Variants in ARHGAP28 observed in about 807,000 individuals in gnomAD.
The protein encoded by ARHGAP28 is Rho GTPase activating protein 28, also known as rho GTPase-activating protein 28.
Under a neutral mutation model 90.7 loss-of-function variants are expected in ARHGAP28, and 56 were observed. The ratio of observed to expected loss-of-function variants is 0.62; its 90% CI spans 0.50 to 0.77. The LOEUF (loss-of-function observed/expected upper bound fraction) is 0.77. ARHGAP28 is among the 30% of genes least tolerant of loss of function. ARHGAP28 has a pLI of 0.00. For synonymous variants in ARHGAP28, 308 were observed against 323.3 expected, an observed-to-expected ratio of 0.95 and a Z score of 0.51; for missense variants, 869 against 900.9, an observed-to-expected ratio of 0.96 and a Z score of 0.45.
intron 1 of ARHGAP28, among the ~76,000 whole-genome samples, chr18:6,781,017 G>A (rs6506440): frequency 0.19 from 29,552 of 152,108 alleles, 5,312 homozygotes; most frequent in African/African-American, 0.47. Context: ...CACTTCTGAC[G>A]GACAGCAGAA....
At chr18:6,858,150 T>C (rs1384725979) in intron 4 of ARHGAP28, among the ~76,000 whole-genome samples, 1 of 145,850 alleles carries the variant, frequency 6.9e-6, no homozygotes, top group African/African-American at 2.8e-5. Context: ...TTTAGATCGC[T>C]TTTTTTTTGG....
chr18:6,818,515 C>G (rs549476473), intron 1 of ARHGAP28, among the ~76,000 whole-genome samples: 13 of 151,922 alleles, frequency 8.6e-5, no homozygotes, highest in Non-Finnish European at 1.5e-4. Flanking sequence ...GAAAATAGAC[C>G]CCCCCAAAAC....
chr18:6,842,717 C>A (rs2056836928), intron 3 of ARHGAP28, among the ~76,000 whole-genome samples: 1 of 152,042 alleles, frequency 6.6e-6, no homozygotes, highest in Non-Finnish European at 1.5e-5. Context: ...GTCCTCTTTT[C>A]TCCCAGAACT....
intron 1 of ARHGAP28, among the ~76,000 whole-genome samples, chr18:6,784,143 C>G (rs1006283313): frequency 1.3e-5 from 2 of 152,096 alleles, no homozygotes; most frequent in African/African-American, 2.4e-5. Context: ...GGAGCCCAGT[C>G]AAATCCATGC....
chr18:6,888,842 A>T (rs192594481), intron 12 of ARHGAP28, among the ~76,000 whole-genome samples: 16 of 152,126 alleles, frequency 1.1e-4, no homozygotes, highest in African/African-American at 3.9e-4. Context: ...TTTTATTCTA[A>T]ATTGTGACTG....
chr18:6,827,322 C>T (rs1352546300), intron 2 of ARHGAP28, among the ~76,000 whole-genome samples: 1 of 146,906 alleles, frequency 6.8e-6, no homozygotes, highest in East Asian at 2.1e-4. Context: ...GGGGGCTGAA[C>T]CCTCCACCTC....
chr18:6,841,957 T>C (rs1404023799), intron 3 of ARHGAP28, among the ~76,000 whole-genome samples: 3 of 152,240 alleles, frequency 2.0e-5, no homozygotes, highest in Non-Finnish European at 4.4e-5. Context: ...GTTAGATGAT[T>C]GTTGCACTGT....
chr18:6,908,926 T>A, intron 16 of ARHGAP28, 34 bp from the exon 17 acceptor site: 1 of 1,310,890 alleles, frequency 7.6e-7, no homozygotes, highest in Non-Finnish European at 1.1e-6. Context: ...CAGGAAAAAG[T>A]ACTAAAATTA....
intron 1 of ARHGAP28, among the ~76,000 whole-genome samples, chr18:6,787,685 A>G (rs2056376335): frequency 1.3e-5 from 2 of 152,218 alleles, no homozygotes; most frequent in South Asian, 2.1e-4. Flanking sequence ...TTGGCTTTCC[A>G]TAGGTGTCCC....
intron 15 of ARHGAP28, among the ~76,000 whole-genome samples, chr18:6,895,096 C>G (rs2057295058): frequency 6.6e-6 from 1 of 152,076 alleles, no homozygotes; most frequent in Non-Finnish European, 1.5e-5. Flanking sequence ...AGCTACAATG[C>G]TGTGGAAAGT....
At chr18:6,795,522 T>A (rs2056435764) in intron 1 of ARHGAP28, among the ~76,000 whole-genome samples, 1 of 152,164 alleles carries the variant, frequency 6.6e-6, no homozygotes, top group African/African-American at 2.4e-5. Flanking sequence ...ATGTAACTAT[T>A]TTCTATTTTG....
intron 3 of ARHGAP28, among the ~76,000 whole-genome samples, chr18:6,841,222 T>TCCCCC (rs1297178106): frequency 1.0e-5 from 1 of 100,106 alleles, no homozygotes; most frequent in Non-Finnish European, 2.0e-5. Context: ...TCTCTCTCTC[T>TCCCCC]CCCCCCAACC....
chr18:6,881,925 A>G (rs550668703), intron 10 of ARHGAP28, among the ~76,000 whole-genome samples: 1 of 152,312 alleles, frequency 6.6e-6, no homozygotes, highest in South Asian at 2.1e-4. Context: ...CAAGATCAAC[A>G]TTATTTTTTA....
At chr18:6,850,781 T>C (rs2056903579) in intron 3 of ARHGAP28, 1 of 1,508,814 alleles carries the variant, frequency 6.6e-7, no homozygotes, top group African/African-American at 1.4e-5. Flanking sequence ...GAAAAGAAAG[T>C]GGGTTTTGGC....
At position 6,873,554 on chromosome 18, in the gene ARHGAP28, C is replaced by G. The variant is rs1567977938; in HGVS notation, c.1100C>G (p.Thr367Arg). ...GGAATTCAACTGAAAAGGAACAAAACAGAGAAAGTAAAAGGACGAGGTAAC... is the reference window on the plus strand; with the variant it reads ...GGAATTCAACTGAAAAGGAACAAAAGAGAGAAAGTAAAAGGACGAGGTAAC... The part of the protein sequence containing the change: ...AFGIQLKRNK[T>R]EKVKGRDNGI... The change falls in exon 8 of 18, where the codon ACA becomes AGA. Residue 367 changes from threonine to arginine, a missense_variant. By Grantham distance (71) the Thr-to-Arg change is moderately conservative. Coordinates refer to ENST00000383472, the MANE Select transcript of ARHGAP28 (RefSeq NM_001366230.1). 6.2e-7 allele frequency: 1 copy of G among 1,613,472 alleles called. No individual in the cohort carries two copies.
intron 10 of ARHGAP28, among the ~76,000 whole-genome samples, chr18:6,879,377 C>T (rs1025629243): frequency 6.6e-6 from 1 of 152,120 alleles, no homozygotes; most frequent in African/African-American, 2.4e-5. Flanking sequence ...ATAAAACTAC[C>T]TCCAAAATAG....
chr18:6,882,025 A>G, intron 10 of ARHGAP28, 112 bp from the exon 11 acceptor site: 1 of 967,208 alleles, frequency 1.0e-6, no homozygotes, highest in South Asian at 2.3e-5. Flanking sequence ...GGTAGACATT[A>G]CCTTACCAGT....
intron 1 of ARHGAP28, among the ~76,000 whole-genome samples, chr18:6,786,972 A>C (rs2056369878): frequency 6.6e-6 from 1 of 152,138 alleles, no homozygotes. Flanking sequence ...TGATCCCAGC[A>C]CTTTTGGGAG....
intron 2 of ARHGAP28, among the ~76,000 whole-genome samples, chr18:6,827,303 G>A (rs1157184273): frequency 6.6e-6 from 1 of 150,596 alleles, no homozygotes; most frequent in Non-Finnish European, 1.5e-5. Flanking sequence ...CGGGGCGGCT[G>A]GCCGGGCGGG....
Sources: allele counts gnomAD v4.1 joint callset (sites outside exome capture counted in the v4.1 genomes callset), GRCh38; gene constraint gnomAD v4.1.1; transcripts MANE v1.5; gene names NCBI Gene and HGNC (gene_info 2026-07-23, HGNC 2026-07-21).